SCFD2: variants seen among roughly 807,000 people sequenced by gnomAD.
SCFD2 encodes sec1 family domain containing 2.
SCFD2 carries 54 observed loss-of-function variants against 58.9 expected under a neutral mutation model. The observed-to-expected ratio is 0.92, with a 90% CI of 0.74 to 1.15. SCFD2 has a LOEUF of 1.15. Among genes scored for constraint, SCFD2 ranks in the 50% most tolerant of loss-of-function variants. The pLI, the probability that SCFD2 is intolerant of heterozygous loss-of-function variation, is 0.00. For missense variants in SCFD2, 805 were observed against 836.6 expected, an observed-to-expected ratio of 0.96 and a Z score of 0.47; for synonymous variants, 321 against 335.9, an observed-to-expected ratio of 0.96 and a Z score of 0.49.
At position 52,875,802 on chromosome 4, in the gene SCFD2, C is replaced by CTATATATATA. The variant is rs3052566; in HGVS notation, c.1963-1751_1963-1742dup. 5.4e-4 allele frequency among the ~76,000 whole-genome samples: 33 copies of CTATATATATA among 61,266 alleles called. 3 individuals carry two copies. Among genetic ancestry groups the CTATATATATA allele is most frequent in the Non-Finnish European group, 8.6e-4 (26 of 30,182 alleles). The allele number at this position is 61,266 out of a possible 152,430, so 40.2% of individuals were successfully genotyped here. On this transcript the variant is annotated intron_variant, in intron 8 of 8. Coordinates refer to ENST00000401642, the MANE Select transcript of SCFD2 (RefSeq NM_152540.4). Reference sequence around the variant, plus strand: ...CTTCTTGAAAGAGGATTATCTTTAACTATATATATATATATATATATATAT... The same window carrying CTATATATATA: ...CTTCTTGAAAGAGGATTATCTTTAACTATATATATATATATATATATATATATATATATAT...
At chr4:53,356,949 A>T (rs2149169273) in intron 1 of SCFD2, among the ~76,000 whole-genome samples, 1 of 151,846 alleles carries the variant, frequency 6.6e-6, no homozygotes, top group Non-Finnish European at 1.5e-5. Flanking sequence ...CATATTTTTA[A>T]ACCACCACAC....
chr4:53,362,773 A>G (rs1315417749), intron 1 of SCFD2, among the ~76,000 whole-genome samples: 1 of 152,332 alleles, frequency 6.6e-6, no homozygotes, highest in Non-Finnish European at 1.5e-5. Context: ...AAAGGAAAAA[A>G]TGATGATCTA....
At chr4:53,209,621 T>C (rs1728542780) in intron 4 of SCFD2, among the ~76,000 whole-genome samples, 2 of 152,122 alleles carry the variant, frequency 1.3e-5, no homozygotes, top group African/African-American at 4.8e-5. Context: ...ACTCAGGGAA[T>C]ACCAACTATT....
At chr4:53,142,713 T>A (rs1726206595) in intron 5 of SCFD2, among the ~76,000 whole-genome samples, 1 of 152,226 alleles carries the variant, frequency 6.6e-6, no homozygotes, top group Admixed American at 6.5e-5. Flanking sequence ...TTTCAGCAGC[T>A]AAGTGAAAAC....
chr4:52,991,495 T>C (rs1437281505), intron 5 of SCFD2, among the ~76,000 whole-genome samples: 1 of 152,084 alleles, frequency 6.6e-6, no homozygotes, highest in East Asian at 1.9e-4. Flanking sequence ...GGTTCCCAAA[T>C]CTGGAGGATC....
At chr4:53,170,226 T>G (rs62325035) in intron 4 of SCFD2, among the ~76,000 whole-genome samples, 1 of 152,112 alleles carries the variant, frequency 6.6e-6, no homozygotes, top group African/African-American at 2.4e-5. Flanking sequence ...TATACAAAAC[T>G]GTTCAGTTTC....
Position 53,365,374 on chromosome 4 carries a change from C to A in SCFD2, c.568G>T (p.Ala190Ser). ...LPQDVHLLNS[A>S]RPDKRKLGSL... ...CCCAGCTTCCTCTTGTCCGGTCGGGCGCTATTAAGGAGGTGCACATCCTGG... is the reference window on the plus strand; with the variant it reads ...CCCAGCTTCCTCTTGTCCGGTCGGGAGCTATTAAGGAGGTGCACATCCTGG... Residue 190 changes from alanine to serine, a missense_variant, in exon 1 of 9, where the codon GCC (alanine) becomes TCC (serine). Coordinates refer to ENST00000401642, the MANE Select transcript of SCFD2 (RefSeq NM_152540.4). This position sits in a 1 kb window ranked among gnomAD's most constrained non-coding sequence, Gnocchi z 4.3. 1 of 1,614,100 alleles carries A rather than the reference C, an allele frequency of 6.2e-7. No homozygotes were observed. The highest frequency in any genetic ancestry group is 8.5e-7 in the Non-Finnish European group (1 of 1,180,000).
intron 4 of SCFD2, among the ~76,000 whole-genome samples, chr4:53,238,237 C>T (rs1290734704): frequency 5.1e-5 from 7 of 136,302 alleles, no homozygotes; most frequent in African/African-American, 1.4e-4. Context: ...GGGCTCCTCA[C>T]TTCCCAGTAG....
intron 5 of SCFD2, among the ~76,000 whole-genome samples, chr4:52,978,129 TG>T (rs1412120341): frequency 2.0e-5 from 3 of 152,066 alleles, no homozygotes; most frequent in African/African-American, 7.2e-5. Flanking sequence ...AGGTGAAGCA[TG>T]GAATGAAAGG....
chr4:52,893,651 T>C (rs1018682069), intron 7 of SCFD2, among the ~76,000 whole-genome samples: 1 of 152,236 alleles, frequency 6.6e-6, no homozygotes, highest in Non-Finnish European at 1.5e-5. Flanking sequence ...GGTCCTGGAA[T>C]GGCCCCCTGA....
intron 3 of SCFD2, among the ~76,000 whole-genome samples, chr4:53,295,236 T>C (rs1731986168): frequency 6.6e-6 from 1 of 152,230 alleles, no homozygotes; most frequent in South Asian, 2.1e-4. Flanking sequence ...GTGGGCAGTA[T>C]GATCATTTTC....
At chr4:53,344,969 A>C (rs939852314) in intron 2 of SCFD2, among the ~76,000 whole-genome samples, 2 of 152,226 alleles carry the variant, frequency 1.3e-5, no homozygotes, top group Admixed American at 6.5e-5. Flanking sequence ...TAAAGACTTA[A>C]ATATTAGGCC....
chr4:53,022,806 C>G (rs573262864), intron 5 of SCFD2, among the ~76,000 whole-genome samples: 1 of 152,226 alleles, frequency 6.6e-6, no homozygotes, highest in South Asian at 2.1e-4. Context: ...GTAACAATAA[C>G]AAAATAATAA....
At chr4:52,940,575 G>C (rs933528324) in intron 5 of SCFD2, among the ~76,000 whole-genome samples, 3 of 152,200 alleles carry the variant, frequency 2.0e-5, no homozygotes, top group African/African-American at 7.2e-5. Context: ...GTAATCTGGG[G>C]ATTCCAATTG....
intron 5 of SCFD2, among the ~76,000 whole-genome samples, chr4:52,964,151 A>T (rs1720910102): frequency 6.6e-6 from 1 of 152,190 alleles, no homozygotes; most frequent in South Asian, 2.1e-4. Flanking sequence ...AATTTTAGAA[A>T]TGGAAAGCCT....
At chr4:53,096,713 A>G (rs1163172272) in intron 5 of SCFD2, among the ~76,000 whole-genome samples, 2 of 152,206 alleles carry the variant, frequency 1.3e-5, no homozygotes, top group South Asian at 2.1e-4. Flanking sequence ...AAGCTCTTTC[A>G]TTTAATTAGA....
intron 5 of SCFD2, among the ~76,000 whole-genome samples, chr4:52,962,064 AAATT>A (rs1372927767): frequency 6.6e-6 from 1 of 152,308 alleles, no homozygotes; most frequent in East Asian, 1.9e-4. Flanking sequence ...CCACTGATGG[AAATT>A]ACTGGTGGAG....
intron 4 of SCFD2, among the ~76,000 whole-genome samples, chr4:53,265,886 T>C (rs773980748): frequency 2.4e-4 from 37 of 151,930 alleles, no homozygotes; most frequent in Non-Finnish European, 3.7e-4. Context: ...ACCACAGGCA[T>C]GCACCACCAC....
intron 5 of SCFD2, among the ~76,000 whole-genome samples, chr4:52,946,242 T>C (rs1720422812): frequency 6.6e-6 from 1 of 152,146 alleles, no homozygotes; most frequent in South Asian, 2.1e-4. Context: ...TAAAATGCAT[T>C]TTCTAAAGCT....
Sources: gnomAD v4.1 joint callset for allele counts (sites outside exome capture counted in the v4.1 genomes callset) on GRCh38, gnomAD v4.1.1 for gene constraint, Gnocchi (gnomAD v3.1) non-coding constraint, MANE v1.5 for transcripts, NCBI Gene and HGNC (gene_info 2026-07-23, HGNC 2026-07-21) for gene names.